Variants in RAD51B observed in about 807,000 individuals in gnomAD.
RAD51B encodes DNA repair protein RAD51 homolog 2.
Under a neutral mutation model 42.2 loss-of-function variants are expected in RAD51B, and 38 were observed. The ratio of observed to expected loss-of-function variants is 0.90; its 90% CI spans 0.70 to 1.18. The LOEUF (loss-of-function observed/expected upper bound fraction) is 1.18, where lower values mean the gene tolerates loss of function less well. Ranked by LOEUF, RAD51B falls within the 50% of genes most tolerant of loss-of-function variation. RAD51B has a pLI of 0.00. For synonymous variants in RAD51B, 154 were observed against 145.2 expected, an observed-to-expected ratio of 1.06 and a Z score of -0.43; for missense variants, 373 against 400.7, an observed-to-expected ratio of 0.93 and a Z score of 0.59.
At chr14:67,826,984 A>G (rs747644000) in intron 3 of RAD51B, among the ~76,000 whole-genome samples, 39 of 152,276 alleles carry the variant, frequency 2.6e-4, no homozygotes, top group Non-Finnish European at 4.9e-4. Flanking sequence ...TGGCCAAACA[A>G]CAGATATTTT....
chr14:68,541,040 AAGAT>A (rs1442753946), intron 10 of RAD51B: 3 of 985,266 alleles, frequency 3.0e-6, no homozygotes, highest in African/African-American at 1.7e-5. Context: ...GTTCTTGAAA[AAGAT>A]AGTCATAAAA....
intron 10 of RAD51B, among the ~76,000 whole-genome samples, chr14:68,531,538 C>T (rs1187373594): frequency 6.6e-6 from 1 of 152,020 alleles, no homozygotes; most frequent in East Asian, 1.9e-4. Context: ...AGATAATATT[C>T]ATGAACCTAT....
intron 7 of RAD51B, among the ~76,000 whole-genome samples, chr14:68,093,770 A>G (rs567664523): frequency 2.0e-5 from 3 of 152,064 alleles, no homozygotes; most frequent in East Asian, 3.9e-4. Flanking sequence ...TCTTGCCTCT[A>G]TATTGCATTT....
At chr14:68,555,403 G>T (rs1171950061) in intron 10 of RAD51B, among the ~76,000 whole-genome samples, 3 of 152,334 alleles carry the variant, frequency 2.0e-5, no homozygotes, top group Non-Finnish European at 4.4e-5. Context: ...AAACGCGCCA[G>T]AGTGTCCCTG....
At chr14:68,170,856 C>G (rs1595504848) in intron 7 of RAD51B, among the ~76,000 whole-genome samples, 1 of 152,158 alleles carries the variant, frequency 6.6e-6, no homozygotes, top group Non-Finnish European at 1.5e-5. Flanking sequence ...TTTTTATTCT[C>G]ATTTCTGAAC....
chr14:68,675,939 C>T (rs1037380324), intron 11 of RAD51B, among the ~76,000 whole-genome samples: 2 of 152,158 alleles, frequency 1.3e-5, no homozygotes, highest in Non-Finnish European at 2.9e-5. Flanking sequence ...AGTAGTCAAC[C>T]TAGGGCAGAT....
At chr14:68,313,644 CTCTTA>C (rs1313320215) in intron 8 of RAD51B, among the ~76,000 whole-genome samples, 1 of 152,140 alleles carries the variant, frequency 6.6e-6, no homozygotes, top group Non-Finnish European at 1.5e-5. Flanking sequence ...TTGGGCACCC[CTCTTA>C]TCTTAGTACC....
At chr14:68,168,502 G>A (rs767906700) in intron 7 of RAD51B, among the ~76,000 whole-genome samples, 61 of 152,014 alleles carry the variant, frequency 4.0e-4, no homozygotes, top group Non-Finnish European at 7.8e-4. Context: ...GATTACACAA[G>A]CACTCTGGAA....
chr14:67,862,247 C>T (rs557917025), intron 4 of RAD51B, among the ~76,000 whole-genome samples: 1 of 151,910 alleles, frequency 6.6e-6, no homozygotes, highest in African/African-American at 2.4e-5. Context: ...ATATTGAACT[C>T]CATAAATATA....
intron 7 of RAD51B, among the ~76,000 whole-genome samples, chr14:68,022,075 T>C (rs1380441305): frequency 7.9e-5 from 12 of 152,218 alleles, no homozygotes; most frequent in Admixed American, 7.2e-4. Context: ...CAACCTATAC[T>C]CCTCTCCATT....
At chr14:67,924,357 C>A (rs1201655592) in intron 7 of RAD51B, among the ~76,000 whole-genome samples, 1 of 152,090 alleles carries the variant, frequency 6.6e-6, no homozygotes, top group African/African-American at 2.4e-5. Flanking sequence ...TTTTTATGTT[C>A]AGGTCTTAGA....
At position 67,865,133 on chromosome 14, in the gene RAD51B, C is replaced by G. The variant is rs755777578; in HGVS notation, c.446C>G (p.Ala149Gly). The change falls in exon 5 of 11, where the codon GCT becomes GGT. Residue 149 changes from alanine to glycine, a missense_variant. Transcript: ENST00000471583. Reference protein sequence around the residue: ...VYIDTESAFSAERLVEIAESR... With the variant: ...VYIDTESAFSGERLVEIAESR... ...ATTGACACAGAGTCTGCATTTAGTG[C>G]TGAAAGGTATGAGATTTTATTTTCT... is the stretch of plus-strand genomic sequence containing the variant. 3 of 1,592,392 alleles carry G rather than the reference C, an allele frequency of 1.9e-6. No individual in the cohort carries two copies. Among genetic ancestry groups the G allele is most frequent in the South Asian group, 1.1e-5 (1 of 87,098 alleles).
chr14:67,909,778 A>G (rs1468936993), intron 7 of RAD51B, among the ~76,000 whole-genome samples: 1 of 152,106 alleles, frequency 6.6e-6, no homozygotes, highest in Non-Finnish European at 1.5e-5. Flanking sequence ...TCCTGGGCTT[A>G]AGCCAGGGAC....
At chr14:68,649,201 G>A (rs1892649316) in intron 10 of RAD51B, among the ~76,000 whole-genome samples, 1 of 152,208 alleles carries the variant, frequency 6.6e-6, no homozygotes. Flanking sequence ...TCTCGTGGTT[G>A]AGCAGCTTGC....
chr14:68,159,706 C>A (rs1252503817), intron 7 of RAD51B, among the ~76,000 whole-genome samples: 1 of 151,774 alleles, frequency 6.6e-6, no homozygotes, highest in Non-Finnish European at 1.5e-5. Context: ...CATTCTATTT[C>A]CAATGCTTTC....
intron 7 of RAD51B, among the ~76,000 whole-genome samples, chr14:68,159,166 A>G (rs1010636435): frequency 5.9e-5 from 9 of 152,192 alleles, no homozygotes; most frequent in Non-Finnish European, 1.3e-4. Context: ...AACATCAGCC[A>G]TGAGTTGACA....
chr14:68,260,817 T>C (rs760001624), intron 7 of RAD51B, among the ~76,000 whole-genome samples: 1 of 152,224 alleles, frequency 6.6e-6, no homozygotes, highest in Non-Finnish European at 1.5e-5. Flanking sequence ...TGCTATAAGC[T>C]GATTTTCTCA....
chr14:68,242,829 C>T (rs540301988), intron 7 of RAD51B, among the ~76,000 whole-genome samples: 1 of 152,258 alleles, frequency 6.6e-6, no homozygotes, highest in South Asian at 2.1e-4. Flanking sequence ...GTAGCTTACT[C>T]AAGATCACCC....
chr14:68,541,157 G>GGACT, intron 10 of RAD51B: 1 of 985,390 alleles, frequency 1.0e-6, no homozygotes, highest in Non-Finnish European at 1.2e-6. Flanking sequence ...TGCCTTCCTG[G>GGACT]GACTGCCCAA....
Sources: gnomAD v4.1 joint callset for allele counts (sites outside exome capture counted in the v4.1 genomes callset) on GRCh38, gnomAD v4.1.1 for gene constraint, MANE v1.5 for transcripts, NCBI Gene and HGNC (gene_info 2026-07-23, HGNC 2026-07-21) for gene names.